AFF2: variants seen among roughly 807,000 people sequenced by gnomAD.
AFF2 encodes the protein AF4/FMR2 family member 2.
In AFF2, 14 loss-of-function variants were observed where a neutral mutation model predicts 76.9. The observed-to-expected ratio is 0.18, with a 90% CI of 0.12 to 0.28. The LOEUF (loss-of-function observed/expected upper bound fraction) is 0.28, where lower values mean the gene tolerates loss of function less well. Among genes scored for constraint, AFF2 ranks in the 10% least tolerant of loss-of-function variants. AFF2 has a pLI of 1.00. For synonymous variants in AFF2, 398 were observed against 366.7 expected (o/e 1.09, Z -0.98); for missense variants, 868 against 1,001.1 (o/e 0.87, Z 1.79).
At chrX:148,534,784 A>G (rs1557236361) in intron 1 of AFF2, among the ~76,000 whole-genome samples, 1 of 112,545 alleles carries the variant, frequency 8.9e-6, no homozygotes, top group East Asian at 2.8e-4. Flanking sequence ...TTTTGTATTC[A>G]TTATCTTCCT....
chrX:148,793,002 C>T (rs2069918706), intron 3 of AFF2, among the ~76,000 whole-genome samples: 1 of 111,836 alleles, frequency 8.9e-6, no homozygotes, highest in African/African-American at 3.3e-5. Context: ...CTATTATTTT[C>T]TGCACTTAAA....
chrX:148,625,420 A>G (rs369031955), intron 1 of AFF2, among the ~76,000 whole-genome samples: 6 of 111,152 alleles, frequency 5.4e-5, no homozygotes, highest in African/African-American at 2.0e-4. Flanking sequence ...AGCAAAGGTC[A>G]GTGCAGCAAA....
intron 8 of AFF2, among the ~76,000 whole-genome samples, chrX:148,886,466 C>T (rs2071161716): frequency 8.9e-6 from 1 of 111,985 alleles, no homozygotes; most frequent in Admixed American, 9.5e-5. Context: ...TTAAATGAAC[C>T]TTTAGGCAGA....
At chrX:148,820,732 C>T (rs958446933) in intron 4 of AFF2, among the ~76,000 whole-genome samples, 2 of 111,362 alleles carry the variant, frequency 1.8e-5, no homozygotes, top group Non-Finnish European at 3.8e-5. Flanking sequence ...ATTTATATTA[C>T]TTTCATAAAA....
chrX:148,979,901 C>A (rs2072371583), intron 18 of AFF2, among the ~76,000 whole-genome samples: 1 of 112,105 alleles, frequency 8.9e-6, no homozygotes, highest in African/African-American at 3.2e-5. Flanking sequence ...GCTGGGCTAG[C>A]AGCAAAGAGG....
intron 1 of AFF2, among the ~76,000 whole-genome samples, chrX:148,624,059 A>G (rs1273076052): frequency 4.5e-5 from 5 of 112,191 alleles, no homozygotes; most frequent in African/African-American, 1.6e-4. Context: ...AGACATAGCA[A>G]GCTAATGTCA....
intron 1 of AFF2, among the ~76,000 whole-genome samples, chrX:148,639,832 A>G (rs2054069816): frequency 8.9e-6 from 1 of 111,815 alleles, no homozygotes; most frequent in Non-Finnish European, 1.9e-5. Flanking sequence ...CCTCTGTGGC[A>G]GTATTTGGTG....
At chrX:148,781,063 G>A (rs782467270) in intron 3 of AFF2, among the ~76,000 whole-genome samples, 2 of 111,886 alleles carry the variant, frequency 1.8e-5, no homozygotes, top group Non-Finnish European at 3.8e-5. Context: ...GTTTGCCTGG[G>A]TATCACCAGC....
intron 3 of AFF2, among the ~76,000 whole-genome samples, chrX:148,673,329 A>G (rs927069957): frequency 4.5e-5 from 5 of 111,985 alleles, no homozygotes; most frequent in African/African-American, 1.3e-4. Context: ...CAGGAGTCCA[A>G]AAAGATGCCA....
At chrX:148,575,422 T>C (rs2053276680) in intron 1 of AFF2, among the ~76,000 whole-genome samples, 1 of 112,119 alleles carries the variant, frequency 8.9e-6, no homozygotes, top group Non-Finnish European at 1.9e-5. Context: ...ATGTTTTAGA[T>C]AATTGTTACA....
chrX:148,719,715 T>C (rs1362684733), intron 3 of AFF2, among the ~76,000 whole-genome samples: 1 of 111,924 alleles, frequency 8.9e-6, no homozygotes. Context: ...GCTCACATGT[T>C]CCAGAATGGA....
intron 3 of AFF2, among the ~76,000 whole-genome samples, chrX:148,731,570 A>G (rs930440576): frequency 1.1e-4 from 12 of 111,915 alleles, no homozygotes; most frequent in Middle Eastern, 9.1e-3. Context: ...CAAAAGGCTC[A>G]TTGTTCAAGA....
intron 3 of AFF2, among the ~76,000 whole-genome samples, chrX:148,694,175 C>CGTGGGGGGGGGG (rs2054686340): frequency 1.4e-5 from 1 of 72,851 alleles, no homozygotes; most frequent in African/African-American, 5.7e-5. Context: ...GTTGTGGGGT[C>CGTGGGGGGGGGG]GGGGGGGGGG....
intron 3 of AFF2, among the ~76,000 whole-genome samples, chrX:148,694,185 GA>G (rs782446580): frequency 2.2e-5 from 2 of 91,984 alleles, no homozygotes; most frequent in African/African-American, 4.0e-5. Flanking sequence ...CGGGGGGGGG[GA>G]GGGATAGCAT....
chrX:148,705,587 C>T lies in AFF2; in HGVS notation c.1041+42819C>T, dbSNP rs1226671681. Among the ~76,000 whole-genome samples the T allele has an allele frequency of 2.7e-5, 3 of 111,694 alleles. No individual in the cohort carries two copies. The East Asian group carries it at 8.4e-4, about 31-fold the overall frequency. Reference sequence around the variant, plus strand: ...TTAGCTTTTTCATGTGAAGCCAAGTCAGATAACTTAGGGAACAACGGAGTT... The same window carrying T: ...TTAGCTTTTTCATGTGAAGCCAAGTTAGATAACTTAGGGAACAACGGAGTT... On this transcript the variant is annotated intron_variant, in intron 3 of 20. Transcript: ENST00000370460.
In AFF2 at chrX:148,999,817, A is replaced by G. The variant is rs1225755619; in HGVS notation, c.*8485A>G. 8.9e-6 allele frequency: 1 copy of G among 112,463 alleles called. No individual in the cohort carries two copies. The highest frequency in any genetic ancestry group is 1.9e-5 in the Non-Finnish European group (1 of 53,293). 9.3% of individuals were successfully genotyped at this position (112,463 alleles called of 1,213,427 possible). A position where few individuals can be genotyped will look rare whatever the true frequency, so the allele number is the denominator to read the frequency against. ...ATCATGGTTCAATTAAACGGATTCC[A>G]CCGGACTTTGTGATGAAAAAGGCTC... On this transcript the variant is annotated 3_prime_UTR_variant, in exon 21 of 21. Transcript: ENST00000370460.
chrX:148,896,681 G>A (rs782310356), intron 8 of AFF2, among the ~76,000 whole-genome samples: 2 of 111,353 alleles, frequency 1.8e-5, no homozygotes, highest in Non-Finnish European at 3.8e-5. Flanking sequence ...AGCAGAAGTA[G>A]TGTTTCCTGA....
At chrX:148,664,452 C>G (rs922060098) in intron 3 of AFF2, among the ~76,000 whole-genome samples, 1 of 111,420 alleles carries the variant, frequency 9.0e-6, no homozygotes, top group African/African-American at 3.3e-5. Context: ...CTGGTAAAGT[C>G]CTGTTTCTCC....
intron 7 of AFF2, among the ~76,000 whole-genome samples, chrX:148,854,506 A>G (rs1394391442): frequency 9.0e-6 from 1 of 111,624 alleles, no homozygotes; most frequent in Non-Finnish European, 1.9e-5. Context: ...TCTATCCCAG[A>G]AAAACCCCAG....
Sources: allele counts gnomAD v4.1 joint callset (sites outside exome capture counted in the v4.1 genomes callset), GRCh38; gene constraint gnomAD v4.1.1; transcripts MANE v1.5; gene names NCBI Gene and HGNC (gene_info 2026-07-23, HGNC 2026-07-21).